PLEKHH2: variants seen among roughly 807,000 people sequenced by gnomAD.
PLEKHH2 encodes pleckstrin homology domain-containing family H member 2.
Under a neutral mutation model 187.9 loss-of-function variants are expected in PLEKHH2, and 129 were observed. The ratio of observed to expected loss-of-function variants is 0.69; its 90% confidence interval spans 0.59 to 0.79. PLEKHH2 has a LOEUF of 0.79. Ranked by LOEUF, PLEKHH2 falls within the 30% of genes least tolerant of loss-of-function variation. The probability of loss-of-function intolerance (pLI) is 0.00; values close to 1 mark genes in which losing one functional copy is unlikely to be tolerated. For missense variants in PLEKHH2, 2,076 were observed against 1,751.2 expected, an observed-to-expected ratio of 1.19 and a Z score of -3.31; for synonymous variants, 686 against 605.6, an observed-to-expected ratio of 1.13 and a Z score of -1.95.
At chr2:43,726,825 G>A (rs1670773253) in intron 17 of PLEKHH2, among the ~76,000 whole-genome samples, 1 of 152,012 alleles carries the variant, frequency 6.6e-6, no homozygotes, top group Admixed American at 6.6e-5. Context: ...ATTATTTTAT[G>A]TATTATATGT....
intron 2 of PLEKHH2, among the ~76,000 whole-genome samples, chr2:43,648,185 T>C (rs1054295631): frequency 2.0e-5 from 3 of 151,684 alleles, no homozygotes; most frequent in Non-Finnish European, 4.4e-5. Flanking sequence ...GTTTTTTTTG[T>C]TTGTTTGTTT....
At chr2:43,680,779 C>T in intron 3 of PLEKHH2, 1 of 367,694 alleles carries the variant, frequency 2.7e-6, no homozygotes, top group Non-Finnish European at 5.1e-6. Context: ...TTTGTCATTC[C>T]AAGTTTCTCA....
intron 19 of PLEKHH2, among the ~76,000 whole-genome samples, chr2:43,737,224 C>T (rs1339958900): frequency 6.6e-6 from 1 of 152,166 alleles, no homozygotes; most frequent in Non-Finnish European, 1.5e-5. Flanking sequence ...ATGTTTAAAG[C>T]ATACCAAAAA....
chr2:43,690,226 C>G (rs544625714), intron 3 of PLEKHH2, among the ~76,000 whole-genome samples: 1 of 152,184 alleles, frequency 6.6e-6, no homozygotes, highest in Non-Finnish European at 1.5e-5. Context: ...TGATGCAGAC[C>G]TTTGTCTTGA....
At chr2:43,711,431 A>T in intron 14 of PLEKHH2, 1 of 977,440 alleles carries the variant, frequency 1.0e-6, no homozygotes, top group Non-Finnish European at 1.2e-6. Flanking sequence ...TTCTGAGTTC[A>T]TAATATCTAA....
At chr2:43,676,365 G>A (rs1292922728) in intron 2 of PLEKHH2, 5 of 1,504,536 alleles carry the variant, frequency 3.3e-6, no homozygotes, top group Non-Finnish European at 4.5e-6. Context: ...AAGGCAGCCT[G>A]GGACCGGGTC....
chr2:43,731,708 C>A, intron 19 of PLEKHH2, 106 bp downstream of exon 19: 1 of 690,452 alleles, frequency 1.4e-6, no homozygotes, highest in South Asian at 2.7e-5. Flanking sequence ...AAATTTTACT[C>A]CAAGAAAATT....
intron 2 of PLEKHH2, among the ~76,000 whole-genome samples, chr2:43,666,375 G>T (rs1287837262): frequency 3.3e-5 from 5 of 151,264 alleles, no homozygotes; most frequent in African/African-American, 1.2e-4. Context: ...CCACTGTCTG[G>T]CACTCCCTAG....
At chr2:43,648,292 G>T (rs571792666) in intron 2 of PLEKHH2, among the ~76,000 whole-genome samples, 2 of 152,052 alleles carry the variant, frequency 1.3e-5, no homozygotes, top group South Asian at 4.2e-4. Flanking sequence ...AGGTTCAAGC[G>T]ATTCTTCTGC....
intron 15 of PLEKHH2, among the ~76,000 whole-genome samples, chr2:43,713,710 G>T (rs1670079947): frequency 7.0e-6 from 1 of 143,296 alleles, no homozygotes; most frequent in Admixed American, 7.0e-5. Context: ...TTATTTTTAA[G>T]TTTTAAAAAG....
rs1460095675 is a variant in PLEKHH2, at chr2:43,726,437, T to C, written c.2707T>C (p.Ser903Pro). ...AGGTCCAACTTACCTCCTAATTGGA[T>C]CCAAGCATGAAAAGGTATTCAAAGA... ...DQGPTYLLIG[S>P]KHEKDTWLYH... is the part of the protein sequence containing the mutation. The change falls in exon 17 of 30, where the codon TCC becomes CCC. Residue 903 changes from serine to proline, a missense_variant. Coordinates refer to ENST00000282406, the MANE Select transcript of PLEKHH2 (RefSeq NM_172069.4). 1.9e-6 allele frequency: 3 copies of C among 1,606,396 alleles called. No homozygotes were observed. In the Admixed American group the frequency reaches 5.0e-5, roughly 27 times the overall value.
At chr2:43,675,111 T>C (rs1163256716) in intron 2 of PLEKHH2, 1 of 316,036 alleles carries the variant, frequency 3.2e-6, no homozygotes, top group African/African-American at 2.1e-5. Context: ...ACTTAAAATA[T>C]TCTAATAGAC....
intron 14 of PLEKHH2, chr2:43,711,708 G>A (rs1572602230): frequency 4.2e-6 from 2 of 472,866 alleles, no homozygotes; most frequent in Admixed American, 6.3e-5. Flanking sequence ...TGGCTAACAC[G>A]GTGAAACCCC....
At chr2:43,709,935 GT>G in intron 11 of PLEKHH2, 54 bp from the exon 12 acceptor site, 1 of 1,506,822 alleles carries the variant, frequency 6.6e-7, no homozygotes, top group Non-Finnish European at 9.0e-7. Flanking sequence ...CAGAGCTGGT[GT>G]TTGGCCCTCC....
chr2:43,753,817 A>C (rs1021569398), intron 25 of PLEKHH2, 57 bp downstream of exon 25: 50 of 1,295,302 alleles, frequency 3.9e-5, no homozygotes, highest in Non-Finnish European at 5.0e-5. Flanking sequence ...TAATTTCTAC[A>C]CTGAATTAAA....
intron 28 of PLEKHH2, among the ~76,000 whole-genome samples, chr2:43,763,373 C>A (rs191943070): frequency 1.3e-5 from 2 of 151,980 alleles, no homozygotes; most frequent in African/African-American, 4.8e-5. Flanking sequence ...ATGCAGAGTC[C>A]TTTCAGGCTG....
chr2:43,657,776 G>C (rs1338625196), intron 2 of PLEKHH2, among the ~76,000 whole-genome samples: 1 of 152,218 alleles, frequency 6.6e-6, no homozygotes, highest in Non-Finnish European at 1.5e-5. Flanking sequence ...CTCTGCAGAA[G>C]ATGATCTCTA....
chr2:43,732,611 G>C (rs1473071457), intron 19 of PLEKHH2, among the ~76,000 whole-genome samples: 1 of 152,066 alleles, frequency 6.6e-6, no homozygotes, highest in Admixed American at 6.5e-5. Flanking sequence ...TCTTTAACCA[G>C]AATCCTAGCC....
intron 20 of PLEKHH2, among the ~76,000 whole-genome samples, chr2:43,740,528 T>C (rs946818817): frequency 6.6e-6 from 1 of 152,256 alleles, no homozygotes; most frequent in East Asian, 1.9e-4. Flanking sequence ...TGTAGATACA[T>C]ACGTGTGTGT....
Sources: allele counts gnomAD v4.1 joint callset (sites outside exome capture counted in the v4.1 genomes callset), GRCh38; gene constraint gnomAD v4.1.1; transcripts MANE v1.5; gene names NCBI Gene and HGNC (gene_info 2026-07-23, HGNC 2026-07-21).